The following CCDC125 variants were observed in gnomAD, a reference collection of about 807,000 sequenced individuals.
CCDC125 encodes the protein coiled-coil domain-containing protein 125.
CCDC125 carries 43 observed loss-of-function variants against 57.4 expected under a neutral mutation model. The ratio of observed to expected loss-of-function variants is 0.75; its 90% confidence interval spans 0.59 to 0.97. CCDC125 has a LOEUF of 0.97. CCDC125 is among the 50% of genes least tolerant of loss of function. The probability of loss-of-function intolerance (pLI) is 0.00; values close to 1 mark genes in which losing one functional copy is unlikely to be tolerated. For synonymous variants in CCDC125, 187 were observed against 195.2 expected (o/e 0.96, Z 0.35); for missense variants, 563 against 595.7 (o/e 0.95, Z 0.57).
intron 1 of CCDC125, among the ~76,000 whole-genome samples, chr5:69,327,270 A>G (rs2150670696): frequency 6.6e-6 from 1 of 151,642 alleles, no homozygotes; most frequent in Admixed American, 6.6e-5. Context: ...AATTTTTTGT[A>G]TTTTTAGTAG....
At chr5:69,284,347 C>T (rs1335486706) in intron 11 of CCDC125, among the ~76,000 whole-genome samples, 1 of 151,950 alleles carries the variant, frequency 6.6e-6, no homozygotes. Context: ...GTTCATATAA[C>T]CTGAGTCTCA....
chr5:69,323,822 C>T (rs773160436), intron 1 of CCDC125: 5 of 152,074 alleles, frequency 3.3e-5, no homozygotes, highest in Admixed American at 6.6e-5. Context: ...GTGAAGCAGC[C>T]GGGAGAAGCA....
intron 8 of CCDC125, among the ~76,000 whole-genome samples, chr5:69,295,247 C>A (rs1755122321): frequency 6.6e-6 from 1 of 152,154 alleles, no homozygotes; most frequent in African/African-American, 2.4e-5. Context: ...ACGCTAACAT[C>A]CACAGCATAC....
chr5:69,303,814 T>C lies in CCDC125; in HGVS notation c.700+33A>G, dbSNP rs374423933. 6.3e-4 allele frequency: 754 copies of C among 1,192,586 alleles called. 4 individuals carry two copies. Among genetic ancestry groups the C allele is most frequent in the Middle Eastern group, 1.4e-3 (6 of 4,406 alleles). 73.9% of individuals were successfully genotyped at this position (1,192,586 alleles called of 1,614,324 possible). On this transcript the variant is annotated intron_variant, in intron 7 of 11. Transcript: ENST00000396496. Reference sequence around the variant, plus strand: ...AATACTAGCATGTTATCTTTATTGATACATGTGCTCTTAATACAAAAATCA... The same window carrying C: ...AATACTAGCATGTTATCTTTATTGACACATGTGCTCTTAATACAAAAATCA...
chr5:69,291,398 G>A (rs527279835), intron 10 of CCDC125, among the ~76,000 whole-genome samples: 2 of 149,628 alleles, frequency 1.3e-5, no homozygotes, highest in Admixed American at 6.7e-5. Context: ...GTCTCATTCC[G>A]TCGCCCAGTG....
At chr5:69,275,187 A>T (rs1024979474), downstream of CCDC125, among the ~76,000 whole-genome samples, 3 of 152,042 alleles carry the variant, frequency 2.0e-5, no homozygotes, top group Admixed American at 2.0e-4. Flanking sequence ...TAGTAGGGGG[A>T]AAAAAAGAGA....
chr5:69,294,737 TCTA>T lies in CCDC125; in HGVS notation c.924+53_924+55del, dbSNP rs1371473243. 7 of 1,240,622 alleles carry T rather than the reference TCTA, an allele frequency of 5.6e-6. No individual in the cohort carries two copies. In the African/African-American group the frequency reaches 6.0e-5, roughly 11 times the overall value. The allele number at this position is 1,240,622 out of a possible 1,614,324, so 76.9% of individuals were successfully genotyped here. ...AATTATTGCAAACATTTCCATTTAT[TCTA>T]CTATTAACAGAGAAACAAAACTAAA... On this transcript the variant is annotated intron_variant, in intron 9 of 11. Coordinates refer to ENST00000396496, the MANE Select transcript of CCDC125 (RefSeq NM_176816.5).
chr5:69,285,224 G>T, intron 11 of CCDC125, 113 bp downstream of exon 11: 2 of 931,778 alleles, frequency 2.1e-6, no homozygotes, highest in Non-Finnish European at 3.2e-6. Context: ...GAAAGTTTAC[G>T]AATTTGTGTT....
At position 69,285,474 on chromosome 5, in the gene CCDC125, T is replaced by C. The variant is rs1328222855; in HGVS notation, c.1100-7A>G. 4 of 1,590,480 alleles carry C rather than the reference T, an allele frequency of 2.5e-6. No individual in the cohort carries two copies. Among genetic ancestry groups the C allele is most frequent in the South Asian group, 1.1e-5 (1 of 87,514 alleles). ...CTCCTTGGTGATGGAAATCCTAAAA[T>C]TGAACATGAGAATCCAGCTGAGACA... On this transcript the variant is annotated splice_region_variant and splice_polypyrimidine_tract_variant and intron_variant, in intron 10 of 11. Transcript: ENST00000396496.
chr5:69,292,404 C>A (rs1381129030), intron 9 of CCDC125, 42 bp from the exon 10 acceptor site: 1 of 1,473,958 alleles, frequency 6.8e-7, no homozygotes, highest in East Asian at 2.3e-5. Flanking sequence ...GAGGCAAAAC[C>A]AGAACAATTC....
At position 69,329,676 on chromosome 5, in the gene CCDC125, T is replaced by C. The variant is rs185005938; in HGVS notation, c.-41+2973A>G. ...TGCCACCACACCCAGCTAATTTTTGTATTTTTAGTAGAGATGGGATTTCAC... is the reference window on the plus strand; with the variant it reads ...TGCCACCACACCCAGCTAATTTTTGCATTTTTAGTAGAGATGGGATTTCAC... On this transcript the variant is annotated intron_variant, in intron 1 of 11. Coordinates refer to ENST00000396496, the MANE Select transcript of CCDC125 (RefSeq NM_176816.5). 9.0e-4 allele frequency among the ~76,000 whole-genome samples: 136 copies of C among 151,936 alleles called. 1 individual carries two copies. The highest frequency in any genetic ancestry group is 3.2e-3 in the African/African-American group (132 of 41,428).
At chr5:69,307,852 G>A (rs1757577855) in intron 5 of CCDC125, 99 bp downstream of exon 5, 7 of 861,312 alleles carry the variant, frequency 8.1e-6, no homozygotes, top group Non-Finnish European at 1.4e-5. Context: ...CTAGCAGAAG[G>A]TAGGCACAAG....
intron 8 of CCDC125, among the ~76,000 whole-genome samples, chr5:69,299,191 G>T (rs1185776847): frequency 6.6e-6 from 1 of 150,876 alleles, no homozygotes; most frequent in African/African-American, 2.4e-5. Context: ...CTCACTGCAA[G>T]CTCCGCCTCC....
chr5:69,317,033 G>T (rs1295560667), intron 2 of CCDC125, among the ~76,000 whole-genome samples: 2 of 152,036 alleles, frequency 1.3e-5, no homozygotes, highest in Admixed American at 1.3e-4. Context: ...GTTTGAGATG[G>T]AGTCTTGCTC....
rs769425753 is a variant in CCDC125 at position 69,294,901 on chromosome 5, C to A, written c.817-1G>T. 6.2e-7 allele frequency: 1 copy of A among 1,611,926 alleles called. No homozygotes were observed. The highest frequency in any genetic ancestry group is 2.2e-5 in the East Asian group (1 of 44,868). On this transcript the variant is annotated splice_acceptor_variant, in intron 8 of 11. Coordinates refer to ENST00000396496, the MANE Select transcript of CCDC125 (RefSeq NM_176816.5). LOFTEE classifies it high-confidence loss of function. The stretch of plus-strand genomic sequence containing the variant: ...AAAGGCAGGCTCCGAGGACCGCAAG[C>A]TTTAAATTGAAAAGCATTGCTCCTG...
At chr5:69,286,362 G>A (rs933124746) in intron 10 of CCDC125, among the ~76,000 whole-genome samples, 2 of 150,574 alleles carry the variant, frequency 1.3e-5, no homozygotes, top group African/African-American at 4.9e-5. Context: ...CTCCCGAGTA[G>A]CTGGGACTAC....
chr5:69,322,887 G>A (rs981342947), intron 1 of CCDC125, among the ~76,000 whole-genome samples: 15 of 151,870 alleles, frequency 9.9e-5, no homozygotes, highest in African/African-American at 3.6e-4. Flanking sequence ...ATTAGCTGGT[G>A]GCACACGCCT....
downstream of CCDC125, chr5:69,277,357 T>C (rs1477717671): frequency 2.5e-6 from 1 of 400,078 alleles, no homozygotes; most frequent in Non-Finnish European, 4.5e-6. Context: ...AGTTCAATAC[T>C]CTTGAAATGT....
At chr5:69,322,541 C>T (rs918058550) in intron 1 of CCDC125, among the ~76,000 whole-genome samples, 31 of 151,328 alleles carry the variant, frequency 2.0e-4, no homozygotes, top group Admixed American at 1.3e-4. Flanking sequence ...CTGGGCAACA[C>T]AGTGAGAACC....
Sources: allele counts gnomAD v4.1 joint callset (sites outside exome capture counted in the v4.1 genomes callset), GRCh38; gene constraint gnomAD v4.1.1; transcripts MANE v1.5; gene names NCBI Gene and HGNC (gene_info 2026-07-23, HGNC 2026-07-21).